The following VPS13C variants were observed in gnomAD, a reference collection of about 807,000 sequenced individuals.
VPS13C encodes the protein intermembrane lipid transfer protein VPS13C.
VPS13C carries 358 observed loss-of-function variants against 456.8 expected under a neutral mutation model. The ratio of observed to expected loss-of-function variants is 0.78; its 90% CI spans 0.72 to 0.86. The LOEUF is 0.86. Among genes scored for constraint, VPS13C ranks in the 40% least tolerant of loss-of-function variants. The pLI is 0.00. For missense variants in VPS13C, 4,818 were observed against 4,385.4 expected (o/e 1.10, Z -2.79); for synonymous variants, 1,578 against 1,486.7 (o/e 1.06, Z -1.41).
In VPS13C at chr15:61,920,551, T is replaced by A; in HGVS notation, c.7159A>T (p.Met2387Leu). The A allele has an allele frequency of 1.3e-6, 2 of 1,578,836 alleles. No individual in the cohort carries two copies. The highest frequency in any genetic ancestry group is 2.3e-5 in the East Asian group (1 of 43,782). The change falls in exon 56 of 85, where the codon ATG becomes TTG. Residue 2387 changes from methionine to leucine, a missense_variant. This residue lies in a region of VPS13C where 4,552 missense variants were observed against 4,130.6 expected (regional missense o/e 1.10). Transcript: ENST00000644861. Reference sequence around the variant, plus strand: ...CAACTTTTGGATATTGTTATATTCATTGTATTTCCTGAAGAAATATGAATT... The same window carrying A: ...CAACTTTTGGATATTGTTATATTCAATGTATTTCCTGAAGAAATATGAATT... ...MAIHISSGNT[M>L]NITISKSCLN...
chr15:61,884,409 T>C, intron 67 of VPS13C, 140 bp from the exon 68 acceptor site: 1 of 861,626 alleles, frequency 1.2e-6, no homozygotes, highest in Non-Finnish European at 1.7e-6. Context: ...TAACGAACTA[T>C]ACCTGTGTTG....
chr15:61,938,174 T>A (rs529823200), intron 47 of VPS13C, among the ~76,000 whole-genome samples: 41 of 152,274 alleles, frequency 2.7e-4, no homozygotes, highest in African/African-American at 9.1e-4. Flanking sequence ...ACCTTAGAAT[T>A]TCCTTGTATA....
chr15:61,956,846 A>C (rs1312798798), intron 37 of VPS13C, among the ~76,000 whole-genome samples: 1 of 152,176 alleles, frequency 6.6e-6, no homozygotes, highest in Non-Finnish European at 1.5e-5. Context: ...CATTGCTGCT[A>C]GGAAAGTAAA....
intron 9 of VPS13C, among the ~76,000 whole-genome samples, chr15:62,017,064 TGTCTTCTTTTGAGAAGC>T (rs540456682): frequency 6.6e-6 from 1 of 152,168 alleles, no homozygotes; most frequent in African/African-American, 2.4e-5. Context: ...GCTGCATAAA[TGTCTTCTTTTGAGAAGC>T]GTCTTCTTTT....
At chr15:62,035,814 G>A (rs2047976922) in intron 3 of VPS13C, among the ~76,000 whole-genome samples, 1 of 151,982 alleles carries the variant, frequency 6.6e-6, no homozygotes, top group Admixed American at 6.6e-5. Flanking sequence ...CCTGAGGTGA[G>A]CCCACAAAAA....
intron 64 of VPS13C, among the ~76,000 whole-genome samples, chr15:61,909,791 T>C (rs1279575317): frequency 1.3e-5 from 2 of 152,188 alleles, no homozygotes; most frequent in Non-Finnish European, 2.9e-5. Context: ...CAGTCTATCA[T>C]TGTTGCACAT....
chr15:61,867,442 C>G lies in VPS13C; in HGVS notation c.10863+1217G>C, dbSNP rs1479580468. On this transcript the variant is annotated intron_variant, in intron 81 of 84. Coordinates refer to ENST00000644861, the MANE Select transcript of VPS13C (RefSeq NM_020821.3). This position sits in a 1 kb window ranked among gnomAD's most constrained non-coding sequence, Gnocchi z 5.0. Reference sequence around the variant, plus strand: ...GCAACTGACAATTCAATTATTAAAGCAGATGCTCCAGGTAATAGTCCCGTA... The same window carrying G: ...GCAACTGACAATTCAATTATTAAAGGAGATGCTCCAGGTAATAGTCCCGTA... The G allele has an allele frequency of 4.6e-5, 45 of 986,678 alleles. No individual in the cohort carries two copies. Among genetic ancestry groups the G allele is most frequent in the Non-Finnish European group, 5.3e-5 (44 of 830,986 alleles). The allele number at this position is 986,678 out of a possible 1,614,324, so 61.1% of individuals were successfully genotyped here. A position where few individuals can be genotyped will look rare whatever the true frequency, so the allele number is the denominator to read the frequency against.
At chr15:61,881,039 C>T (rs1202043162) in intron 71 of VPS13C, 85 bp from the exon 72 acceptor site, 7 of 1,101,834 alleles carry the variant, frequency 6.4e-6, no homozygotes, top group Non-Finnish European at 9.1e-6. Context: ...AGTGAAAAGC[C>T]ACAGTTATAT....
intron 16 of VPS13C, among the ~76,000 whole-genome samples, chr15:61,993,254 TA>T (rs2046281087): frequency 6.6e-6 from 1 of 152,178 alleles, no homozygotes; most frequent in Admixed American, 6.5e-5. Flanking sequence ...ACCAAACTGA[TA>T]GCTTTAAGTT....
intron 67 of VPS13C, among the ~76,000 whole-genome samples, chr15:61,889,323 A>G (rs1896502074): frequency 6.6e-6 from 1 of 152,070 alleles, no homozygotes; most frequent in African/African-American, 2.4e-5. Flanking sequence ...TCTACATATA[A>G]ATATATTAAC....
chr15:61,998,831 T>C (rs2046487254), intron 16 of VPS13C, among the ~76,000 whole-genome samples: 1 of 152,184 alleles, frequency 6.6e-6, no homozygotes, highest in Admixed American at 6.5e-5. Context: ...ACAATCCTCC[T>C]CTTTCTCCTC....
chr15:61,946,514 A>C (rs1268448099), intron 43 of VPS13C, 104 bp from the exon 44 acceptor site: 11 of 729,088 alleles, frequency 1.5e-5, no homozygotes, highest in Non-Finnish European at 2.1e-5. Context: ...GTGAATAAAA[A>C]TTACTCATTA....
intron 9 of VPS13C, among the ~76,000 whole-genome samples, chr15:62,019,449 C>T (rs921757052): frequency 3.3e-5 from 5 of 152,084 alleles, no homozygotes; most frequent in Non-Finnish European, 5.9e-5. Flanking sequence ...TCCCTCTACA[C>T]ACTGCTTTTA....
chr15:61,922,633 A>C lies in VPS13C; in HGVS notation c.6739T>G (p.Tyr2247Asp), dbSNP rs778672661. 1 of 1,614,098 alleles carries C rather than the reference A, an allele frequency of 6.2e-7. No homozygotes were observed. Residue 2247 changes from tyrosine (Y) to aspartate (D), a missense_variant, in exon 54 of 85, where the codon TAT (tyrosine) becomes GAT (aspartate). Physicochemically the swap from Tyr to Asp is radical, Grantham distance 160. Coordinates refer to ENST00000644861, the MANE Select transcript of VPS13C (RefSeq NM_020821.3). ...NLWGIKSIND[Y>D]NTWFLGVDTA... ...TCAACACCAAGAAACCAAGTGTTATAATCATTAATCGATTTGATACCCCAA... is the reference window on the plus strand; with the variant it reads ...TCAACACCAAGAAACCAAGTGTTATCATCATTAATCGATTTGATACCCCAA...
intron 67 of VPS13C, among the ~76,000 whole-genome samples, chr15:61,885,271 G>C (rs1380699451): frequency 6.6e-6 from 1 of 151,968 alleles, no homozygotes; most frequent in Non-Finnish European, 1.5e-5. Context: ...ATTTTAGCTT[G>C]AAATTCATTA....
chr15:61,935,281 A>C (rs1380370291), intron 48 of VPS13C, among the ~76,000 whole-genome samples: 1 of 152,146 alleles, frequency 6.6e-6, no homozygotes, highest in Admixed American at 6.5e-5. Context: ...TTACGGACTG[A>C]TTCTATAATC....
In VPS13C at chr15:61,970,859, TAAAAAAAAAA is replaced by T. The variant is rs71125959; in HGVS notation, c.2758-1417_2758-1408del. 4.8e-5 allele frequency among the ~76,000 whole-genome samples: 6 copies of T among 125,852 alleles called. No homozygotes were observed. The South Asian group carries it at 1.0e-3, about 22-fold the overall frequency. 82.6% of individuals were successfully genotyped at this position (125,852 alleles called of 152,430 possible). ...ATTGAACAAATACCTGAAGTTAGTT[TAAAAAAAAAA>T]AAAAAAAAAAAATCAAGCCATGCAG... On this transcript the variant is annotated intron_variant, in intron 27 of 84. Coordinates refer to ENST00000644861, the MANE Select transcript of VPS13C (RefSeq NM_020821.3).
intron 22 of VPS13C, 37 bp downstream of exon 22, chr15:61,981,305 C>A: frequency 3.9e-6 from 6 of 1,555,352 alleles, no homozygotes; most frequent in South Asian, 2.5e-5. Flanking sequence ...GCAAGCAGGT[C>A]AAAGATGGGC....
intron 3 of VPS13C, among the ~76,000 whole-genome samples, chr15:62,040,295 G>C (rs1225254042): frequency 6.6e-6 from 1 of 152,098 alleles, no homozygotes; most frequent in Non-Finnish European, 1.5e-5. Context: ...TGGCACAACA[G>C]GGTGACTACA....
Sources: gnomAD v4.1 joint callset for allele counts (sites outside exome capture counted in the v4.1 genomes callset) on GRCh38, gnomAD v4.1.1 for gene constraint, gnomAD v4.1.1 regional missense constraint, Gnocchi (gnomAD v3.1) non-coding constraint, MANE v1.5 for transcripts, NCBI Gene and HGNC (gene_info 2026-07-23, HGNC 2026-07-21) for gene names.